The following TMEM135 variants were observed in gnomAD, a reference collection of about 807,000 sequenced individuals.
TMEM135 encodes transmembrane protein 135, also known as peroxisomal membrane protein 52.
In TMEM135, 30 loss-of-function variants were observed where a neutral mutation model predicts 60.3. That is an observed-to-expected ratio of 0.50 (90% CI 0.37 to 0.68). The LOEUF is 0.68. TMEM135 is among the 30% of genes least tolerant of loss of function. The pLI is 0.00. For synonymous variants in TMEM135, 190 were observed against 186.7 expected (o/e 1.02, Z -0.14); for missense variants, 468 against 548.8 (o/e 0.85, Z 1.47).
At chr11:87,078,992 CTTTATTA>C (rs1856929574) in intron 3 of TMEM135, among the ~76,000 whole-genome samples, 1 of 151,416 alleles carries the variant, frequency 6.6e-6, no homozygotes, top group Admixed American at 6.6e-5. Flanking sequence ...TTTTATTTTA[CTTTATTA>C]TTTATTTATT....
chr11:87,277,723 T>C (rs1047171819), intron 6 of TMEM135, among the ~76,000 whole-genome samples: 4 of 152,048 alleles, frequency 2.6e-5, no homozygotes, highest in African/African-American at 9.7e-5. Flanking sequence ...GGTTTCACCA[T>C]ATTGGCCAGG....
chr11:87,244,943 C>T (rs184263363), intron 6 of TMEM135, among the ~76,000 whole-genome samples: 40 of 151,426 alleles, frequency 2.6e-4, no homozygotes, highest in East Asian at 3.9e-4. Flanking sequence ...TTGCGATGTT[C>T]GGGTGTCAAT....
At chr11:87,202,394 C>T (rs1178732314) in intron 5 of TMEM135, among the ~76,000 whole-genome samples, 1 of 152,114 alleles carries the variant, frequency 6.6e-6, no homozygotes, top group Non-Finnish European at 1.5e-5. Context: ...GGTGCAATCT[C>T]GGCTTACTGC....
At chr11:87,273,383 T>G (rs1234699157) in intron 6 of TMEM135, among the ~76,000 whole-genome samples, 1 of 152,206 alleles carries the variant, frequency 6.6e-6, no homozygotes, top group Non-Finnish European at 1.5e-5. Flanking sequence ...ATATTATACT[T>G]GTCTAGTATC....
At chr11:87,090,805 C>T (rs1252844351) in intron 3 of TMEM135, among the ~76,000 whole-genome samples, 1 of 151,892 alleles carries the variant, frequency 6.6e-6, no homozygotes, top group Non-Finnish European at 1.5e-5. Flanking sequence ...TTTTGTTTGT[C>T]CTTTGGCATT....
In TMEM135 at chr11:87,118,492, G is replaced by A. The variant is rs151233858; in HGVS notation, c.396+27097G>A. ...GAGACGGTGTGTCACACTGTTGCCC[G>A]GGCTGGAGTGCAATGACACGATCTC... On this transcript the variant is annotated intron_variant, in intron 4 of 14. Transcript: ENST00000305494. Among the ~76,000 whole-genome samples the A allele has an allele frequency of 2.8e-3, 427 of 150,604 alleles. 3 individuals are homozygous for A. The highest frequency in any genetic ancestry group is 9.9e-3 in the African/African-American group (404 of 40,952).
intron 4 of TMEM135, among the ~76,000 whole-genome samples, chr11:87,117,889 A>G (rs1440485428): frequency 6.6e-6 from 1 of 152,184 alleles, no homozygotes; most frequent in East Asian, 1.9e-4. Context: ...TCTCTCATCA[A>G]TCACTCATAA....
At chr11:87,280,261 CA>C (rs1942036620) in intron 6 of TMEM135, among the ~76,000 whole-genome samples, 1 of 152,128 alleles carries the variant, frequency 6.6e-6, no homozygotes, top group Admixed American at 6.5e-5. Context: ...TAAAAATAAA[CA>C]ATGGAGTGAG....
chr11:87,244,539 G>A (rs1239078164), intron 6 of TMEM135, among the ~76,000 whole-genome samples: 1 of 89,592 alleles, frequency 1.1e-5, no homozygotes, highest in Admixed American at 9.8e-5. Flanking sequence ...CCTGTTATTG[G>A]TCTATTCAGA....
chr11:87,266,828 A>C (rs1386315079), intron 6 of TMEM135, among the ~76,000 whole-genome samples: 3 of 152,214 alleles, frequency 2.0e-5, no homozygotes, highest in African/African-American at 7.2e-5. Flanking sequence ...AGATCAGACT[A>C]AAATGACAGG....
chr11:87,322,075 A>C lies in TMEM135; in HGVS notation c.*742A>C. 1 of 454,426 alleles carries C rather than the reference A, an allele frequency of 2.2e-6. No homozygotes were observed. The highest frequency in any genetic ancestry group is 4.4e-6 in the Non-Finnish European group (1 of 226,726). 28.1% of individuals were successfully genotyped at this position (454,426 alleles called of 1,614,324 possible). A position where few individuals can be genotyped will look rare whatever the true frequency, so the allele number is the denominator to read the frequency against. ...AAATGGACACATCCGATAAAGTTGA[A>C]ATGTATGTTTTAATCTTTCACAGAA... is the stretch of plus-strand genomic sequence containing the variant. On this transcript the variant is annotated 3_prime_UTR_variant, in exon 15 of 15. Transcript: ENST00000305494.
intron 5 of TMEM135, among the ~76,000 whole-genome samples, chr11:87,159,593 G>GCACACACACACACACACACA (rs146638445): frequency 2.4e-5 from 3 of 124,878 alleles, no homozygotes; most frequent in African/African-American, 8.5e-5. Context: ...ACACACACGC[G>GCACACACACACACACACACA]CACACACACA....
chr11:87,158,778 T>A (rs1367325981), intron 5 of TMEM135, among the ~76,000 whole-genome samples: 2 of 152,172 alleles, frequency 1.3e-5, no homozygotes, highest in Non-Finnish European at 1.5e-5. Context: ...CTTGGTATAA[T>A]TTATAAAGTA....
chr11:87,312,149 A>G (rs556537332), intron 10 of TMEM135, among the ~76,000 whole-genome samples: 5 of 138,342 alleles, frequency 3.6e-5, no homozygotes, highest in South Asian at 2.3e-4. Flanking sequence ...GTTTTTTTGT[A>G]TTTGTTCCTT....
intron 5 of TMEM135, among the ~76,000 whole-genome samples, chr11:87,172,876 T>C (rs932521191): frequency 5.3e-5 from 8 of 151,860 alleles, no homozygotes; most frequent in Admixed American, 2.6e-4. Context: ...AATTAAATAA[T>C]ATTTAAAGAA....
At chr11:87,228,161 G>T (rs1940806390) in intron 5 of TMEM135, among the ~76,000 whole-genome samples, 1 of 152,126 alleles carries the variant, frequency 6.6e-6, no homozygotes, top group Non-Finnish European at 1.5e-5. Context: ...GAATATGCCT[G>T]CATTTCCACC....
chr11:87,044,046 C>A (rs1315158041), intron 1 of TMEM135, among the ~76,000 whole-genome samples: 1 of 152,044 alleles, frequency 6.6e-6, no homozygotes, highest in East Asian at 1.9e-4. Context: ...GATTTTAAAA[C>A]CTGTTTTTTC....
chr11:87,191,152 C>T (rs1939788712), intron 5 of TMEM135, among the ~76,000 whole-genome samples: 1 of 152,140 alleles, frequency 6.6e-6, no homozygotes, highest in Non-Finnish European at 1.5e-5. Context: ...CTTATGTCCT[C>T]TAGAGTGAGT....
At chr11:87,157,567 A>G in intron 5 of TMEM135, 161 bp downstream of exon 5, 1 of 612,632 alleles carries the variant, frequency 1.6e-6, no homozygotes, top group Non-Finnish European at 2.8e-6. Flanking sequence ...ATTTTAATTC[A>G]TAGTCATGTT....
Sources: gnomAD v4.1 joint callset for allele counts (sites outside exome capture counted in the v4.1 genomes callset) on GRCh38, gnomAD v4.1.1 for gene constraint, MANE v1.5 for transcripts, NCBI Gene and HGNC (gene_info 2026-07-23, HGNC 2026-07-21) for gene names.